PARVA: variants seen among roughly 807,000 people sequenced by gnomAD.
PARVA encodes the protein alpha-parvin.
A neutral mutation model predicts 52.6 loss-of-function variants in PARVA; 25 were observed. The ratio of observed to expected loss-of-function variants is 0.48; its 90% confidence interval spans 0.35 to 0.66. The LOEUF (loss-of-function observed/expected upper bound fraction) is 0.66, where lower values mean the gene tolerates loss of function less well. Among genes scored for constraint, PARVA ranks in the 30% least tolerant of loss-of-function variants. PARVA has a pLI of 0.01. For synonymous variants in PARVA, 185 were observed against 179.1 expected, an observed-to-expected ratio of 1.03 and a Z score of -0.26; for missense variants, 373 against 450.9, an observed-to-expected ratio of 0.83 and a Z score of 1.56.
chr11:12,446,038 T>G (rs1447685079), intron 1 of PARVA, among the ~76,000 whole-genome samples: 1 of 111,710 alleles, frequency 9.0e-6, no homozygotes, highest in Non-Finnish European at 2.2e-5. Flanking sequence ...GTTCATTTAC[T>G]TTAAAAAAAA....
chr11:12,454,746 T>C (rs1225281200), intron 1 of PARVA, among the ~76,000 whole-genome samples: 2 of 152,196 alleles, frequency 1.3e-5, no homozygotes, highest in East Asian at 3.8e-4. Flanking sequence ...TGCTGGAAGA[T>C]TATTTTATTA....
chr11:12,452,675 C>T (rs893639835), intron 1 of PARVA: 1 of 201,670 alleles, frequency 5.0e-6, no homozygotes, highest in Non-Finnish European at 1.1e-5. Flanking sequence ...CCCTGCTCTA[C>T]AGGTAACTTA....
At chr11:12,501,154 G>T (rs1589982147) in intron 5 of PARVA, among the ~76,000 whole-genome samples, 1 of 150,482 alleles carries the variant, frequency 6.6e-6, no homozygotes, top group African/African-American at 2.4e-5. Flanking sequence ...ATTTTCATTT[G>T]TTTTAATATA....
At chr11:12,474,869 G>C (rs1176699709) in intron 3 of PARVA, among the ~76,000 whole-genome samples, 1 of 151,462 alleles carries the variant, frequency 6.6e-6, no homozygotes, top group Non-Finnish European at 1.5e-5. Flanking sequence ...GGGAGGCTGA[G>C]GTGGGAGGAT....
chr11:12,464,115 A>C (rs1564853454), intron 1 of PARVA, among the ~76,000 whole-genome samples: 2 of 152,192 alleles, frequency 1.3e-5, no homozygotes, highest in Middle Eastern at 3.4e-3. Context: ...CTAGAAACGA[A>C]CATCTGGGCT....
At chr11:12,480,653 A>G (rs964819327) in intron 4 of PARVA, 2 of 152,012 alleles carry the variant, frequency 1.3e-5, no homozygotes, top group Non-Finnish European at 1.5e-5. Context: ...ATCATTTCAC[A>G]TTTCACCCTT....
intron 1 of PARVA, among the ~76,000 whole-genome samples, chr11:12,453,603 A>G (rs1187008659): frequency 2.0e-5 from 3 of 152,306 alleles, no homozygotes; most frequent in Middle Eastern, 6.8e-3. Flanking sequence ...ATAGATTAAA[A>G]CAGAAACTGA....
chr11:12,454,108 A>G (rs1035674270), intron 1 of PARVA, among the ~76,000 whole-genome samples: 3 of 152,222 alleles, frequency 2.0e-5, no homozygotes, highest in African/African-American at 7.2e-5. Flanking sequence ...AGAGGTCACA[A>G]GCAACCCCTG....
At chr11:12,398,040 T>C (rs1012890478) in intron 1 of PARVA, among the ~76,000 whole-genome samples, 4 of 152,126 alleles carry the variant, frequency 2.6e-5, no homozygotes, top group Admixed American at 6.5e-5. Flanking sequence ...GCCCTGCCAG[T>C]GTCCTTCCCT....
chr11:12,494,203 CCA>C (rs1178094647), intron 4 of PARVA, among the ~76,000 whole-genome samples: 1 of 152,206 alleles, frequency 6.6e-6, no homozygotes, highest in Admixed American at 6.5e-5. Context: ...TATATATTTA[CCA>C]ACCAGGAAGC....
chr11:12,452,493 T>C (rs2135015471), intron 1 of PARVA, among the ~76,000 whole-genome samples: 1 of 152,334 alleles, frequency 6.6e-6, no homozygotes, highest in South Asian at 2.1e-4. Flanking sequence ...AGCCACTCTG[T>C]GTCCAGTGTG....
chr11:12,507,802 C>T (rs1941450864), intron 6 of PARVA, among the ~76,000 whole-genome samples: 1 of 152,148 alleles, frequency 6.6e-6, no homozygotes, highest in Admixed American at 6.5e-5. Context: ...AAACCATTCT[C>T]AGGTGTCTAC....
At chr11:12,461,030 CT>C (rs1157199747) in intron 1 of PARVA, among the ~76,000 whole-genome samples, 5 of 152,168 alleles carry the variant, frequency 3.3e-5, no homozygotes, top group East Asian at 3.8e-4. Flanking sequence ...GCGTCCCCCC[CT>C]CTCACATTAA....
At position 12,445,244 on chromosome 11, in the gene PARVA, T is replaced by A. The variant is rs184793662; in HGVS notation, c.137-28501T>A. Among the ~76,000 whole-genome samples the A allele has an allele frequency of 3.3e-4, 50 of 152,264 alleles. 1 individual carries two copies. In the East Asian group the frequency reaches 9.7e-3, roughly 29 times the overall value. Reference sequence around the variant, plus strand: ...ATAGGAATGGGCTAAGTATACTCTATCCTGGGGCTGGGAACTGTGGGGAGC... The same window carrying A: ...ATAGGAATGGGCTAAGTATACTCTAACCTGGGGCTGGGAACTGTGGGGAGC... On this transcript the variant is annotated intron_variant, in intron 1 of 12. Transcript: ENST00000334956.
chr11:12,488,404 T>C (rs147488230), intron 4 of PARVA, among the ~76,000 whole-genome samples: 307 of 152,328 alleles, frequency 2.0e-3, no homozygotes, highest in Non-Finnish European at 3.4e-3. Context: ...ATTCTTCTGA[T>C]TCCAAGAACA....
chr11:12,523,905 C>G (rs979858313), intron 12 of PARVA, among the ~76,000 whole-genome samples: 3 of 152,236 alleles, frequency 2.0e-5, no homozygotes, highest in Admixed American at 1.3e-4. Flanking sequence ...GAATCCACAG[C>G]CCTTCTCCTG....
Position 12,533,205 on chromosome 11 carries a change from G to C in PARVA, c.*5280G>C, listed in dbSNP as rs1158476285. Among the ~76,000 whole-genome samples the C allele has an allele frequency of 6.6e-5, 10 of 152,200 alleles. No homozygotes were observed. The highest frequency in any genetic ancestry group is 2.9e-5 in the Non-Finnish European group (2 of 68,042). ...AGGGGAACTGGACAGAGTGGACGAGGCTGCATGTGTGGAGGGAATGAAATA... is the reference window on the plus strand; with the variant it reads ...AGGGGAACTGGACAGAGTGGACGAGCCTGCATGTGTGGAGGGAATGAAATA... On this transcript the variant is annotated 3_prime_UTR_variant, in exon 13 of 13. Transcript: ENST00000334956.
chr11:12,513,319 T>C lies in PARVA; in HGVS notation c.757T>C (p.Leu253=). ...GRHERDAFDT[L]FDHAPDKLNV... is the part of the protein sequence containing the mutation. ...TTCAGAACGTGATGCCTTTGACACC[T>C]TGTTCGACCATGCCCCAGACAAGCT... The change falls in exon 9 of 13, where the codon TTG becomes CTG. Residue 253 remains leucine (L), a synonymous_variant. Coordinates refer to ENST00000334956, the MANE Select transcript of PARVA (RefSeq NM_018222.5). 6.2e-7 allele frequency: 1 copy of C among 1,613,854 alleles called. No individual in the cohort carries two copies. The highest frequency in any genetic ancestry group is 1.1e-5 in the South Asian group (1 of 91,082).
At chr11:12,526,978 C>G (rs1329794018) in intron 12 of PARVA, among the ~76,000 whole-genome samples, 1 of 152,068 alleles carries the variant, frequency 6.6e-6, no homozygotes, top group Admixed American at 6.5e-5. Context: ...GTCAGTGAGT[C>G]ATAGCTAGCC....
Sources: gnomAD v4.1 joint callset for allele counts (sites outside exome capture counted in the v4.1 genomes callset) on GRCh38, gnomAD v4.1.1 for gene constraint, MANE v1.5 for transcripts, NCBI Gene and HGNC (gene_info 2026-07-23, HGNC 2026-07-21) for gene names.